Variants in RPS6KA2 observed in about 807,000 individuals in gnomAD.
RPS6KA2 encodes ribosomal protein S6 kinase A2.
Under a neutral mutation model 91.8 loss-of-function variants are expected in RPS6KA2, and 42 were observed. The observed-to-expected ratio is 0.46, with a 90% CI of 0.36 to 0.59. The LOEUF (loss-of-function observed/expected upper bound fraction) is 0.59. RPS6KA2 is among the 20% of genes least tolerant of loss of function. The pLI is 0.00. For synonymous variants in RPS6KA2, 414 were observed against 393.6 expected, an observed-to-expected ratio of 1.05 and a Z score of -0.61; for missense variants, 798 against 978.5, an observed-to-expected ratio of 0.82 and a Z score of 2.46.
At chr6:166,692,150 G>A (rs1189492735) in intron 2 of RPS6KA2, among the ~76,000 whole-genome samples, 5 of 152,160 alleles carry the variant, frequency 3.3e-5, no homozygotes, top group South Asian at 2.1e-4. Flanking sequence ...CCTCCCACAA[G>A]TGTCCCCTGT....
At chr6:166,618,301 C>T (rs993497222) in intron 1 of RPS6KA2, among the ~76,000 whole-genome samples, 1 of 152,214 alleles carries the variant, frequency 6.6e-6, no homozygotes, top group Non-Finnish European at 1.5e-5. Context: ...CACATACGGA[C>T]AGTAACTTCT....
intron 2 of RPS6KA2, among the ~76,000 whole-genome samples, chr6:166,703,439 C>T (rs1789589804): frequency 6.6e-6 from 1 of 152,172 alleles, no homozygotes; most frequent in East Asian, 1.9e-4. Flanking sequence ...AAAGAATATG[C>T]ATATTGTCTT....
intron 14 of RPS6KA2, among the ~76,000 whole-genome samples, chr6:166,447,520 C>A (rs1325118333): frequency 6.6e-6 from 1 of 152,266 alleles, no homozygotes; most frequent in African/African-American, 2.4e-5. Context: ...GACAGCAAAG[C>A]GTTTTCCCAG....
chr6:166,549,780 T>C (rs1783940612), intron 1 of RPS6KA2, among the ~76,000 whole-genome samples: 1 of 152,192 alleles, frequency 6.6e-6, no homozygotes, highest in Non-Finnish European at 1.5e-5. Context: ...AGAACTCATA[T>C]ACACACACAC....
chr6:166,691,504 G>A (rs545747535), intron 2 of RPS6KA2, among the ~76,000 whole-genome samples: 5 of 152,132 alleles, frequency 3.3e-5, no homozygotes, highest in Admixed American at 6.5e-5. Context: ...GCACACAAGC[G>A]CATCTCACCT....
chr6:166,516,983 C>T (rs2128485621), intron 3 of RPS6KA2, among the ~76,000 whole-genome samples: 1 of 152,236 alleles, frequency 6.6e-6, no homozygotes, highest in East Asian at 1.9e-4. Flanking sequence ...GAATGAAGAA[C>T]ATTGTTTAGC....
At chr6:166,506,736 T>G (rs958228953) in intron 5 of RPS6KA2, among the ~76,000 whole-genome samples, 7 of 152,034 alleles carry the variant, frequency 4.6e-5, no homozygotes, top group Middle Eastern at 3.4e-3. Context: ...ACTGTTCATT[T>G]GGGGCTTTGT....
Position 166,648,109 on chromosome 6 carries a change from T to C in RPS6KA2, c.124-109325A>G, listed in dbSNP as rs199939262. Among the ~76,000 whole-genome samples the C allele has an allele frequency of 1.1e-4, 12 of 111,844 alleles. No individual in the cohort carries two copies. Among genetic ancestry groups the C allele is most frequent in the East Asian group, 8.9e-4 (3 of 3,386 alleles). 73.4% of individuals were successfully genotyped at this position (111,844 alleles called of 152,430 possible). A position where few individuals can be genotyped will look rare whatever the true frequency, so the allele number is the denominator to read the frequency against. ...ATACACACACGCTCATACACACACGTGCACACACACGCTCATACACATACA... is the reference window on the plus strand; with the variant it reads ...ATACACACACGCTCATACACACACGCGCACACACACGCTCATACACATACA... On this transcript the variant is annotated intron_variant, in intron 2 of 21. Transcript: ENST00000503859. This position sits in a 1 kb window ranked among gnomAD's most constrained non-coding sequence, Gnocchi z 4.8.
chr6:166,470,356 T>C (rs12199291), intron 10 of RPS6KA2, among the ~76,000 whole-genome samples: 31,593 of 152,028 alleles, frequency 0.21, 3,394 homozygotes, highest in Admixed American at 0.28. Flanking sequence ...TTCCAGGAAA[T>C]GAAGAGGAGT....
At chr6:166,463,838 A>C (rs1780421510) in intron 11 of RPS6KA2, among the ~76,000 whole-genome samples, 2 of 152,324 alleles carry the variant, frequency 1.3e-5, no homozygotes, top group South Asian at 4.1e-4. Flanking sequence ...CGCAGGAAGA[A>C]TCTAAACGAT....
intron 1 of RPS6KA2, among the ~76,000 whole-genome samples, chr6:166,609,841 T>C (rs1421310179): frequency 6.6e-6 from 1 of 152,222 alleles, no homozygotes; most frequent in Non-Finnish European, 1.5e-5. Context: ...GTGTCAAGTA[T>C]ATTTTATTAA....
chr6:166,837,745 C>T (rs990972142), intron 2 of RPS6KA2, among the ~76,000 whole-genome samples: 5 of 152,324 alleles, frequency 3.3e-5, no homozygotes, highest in Middle Eastern at 3.4e-3. Flanking sequence ...GCCCTGCTCC[C>T]GATAAGTTCA....
intron 19 of RPS6KA2, among the ~76,000 whole-genome samples, chr6:166,414,584 C>A (rs1259481762): frequency 6.6e-6 from 1 of 152,238 alleles, no homozygotes; most frequent in Non-Finnish European, 1.5e-5. Context: ...CATTTGCGGA[C>A]AAACCTGATG....
chr6:166,566,687 A>AG (rs1784515889), intron 1 of RPS6KA2, among the ~76,000 whole-genome samples: 1 of 152,296 alleles, frequency 6.6e-6, no homozygotes, highest in South Asian at 2.1e-4. Flanking sequence ...AAGCCTCTTA[A>AG]GGGAAGCAAT....
chr6:166,535,518 T>C (rs1276565891), intron 2 of RPS6KA2, among the ~76,000 whole-genome samples: 1 of 152,248 alleles, frequency 6.6e-6, no homozygotes, highest in Non-Finnish European at 1.5e-5. Context: ...CTACAGTTCA[T>C]TCTCCAGAAT....
intron 2 of RPS6KA2, among the ~76,000 whole-genome samples, chr6:166,839,998 T>G (rs1352520363): frequency 6.6e-6 from 1 of 151,754 alleles, no homozygotes; most frequent in Non-Finnish European, 1.5e-5. Context: ...ATTCCATATA[T>G]ATATATGTAA....
Position 166,508,326 on chromosome 6 carries a change from C to T in RPS6KA2, c.380-44G>A, listed in dbSNP as rs1454369207. ...CGCATTTTGACAGCTTGTCGAATGT[C>T]CTGTGGCAACATCGCTCTCTGGCTT... On this transcript the variant is annotated intron_variant, in intron 4 of 20. Transcript: ENST00000265678. This position sits in a 1 kb window ranked among gnomAD's most constrained non-coding sequence, Gnocchi z 4.3. 6.3e-6 allele frequency: 8 copies of T among 1,264,912 alleles called. No individual in the cohort carries two copies. The highest frequency in any genetic ancestry group is 2.9e-5 in the African/African-American group (2 of 68,136). 78.4% of individuals were successfully genotyped at this position (1,264,912 alleles called of 1,614,324 possible). A position where few individuals can be genotyped will look rare whatever the true frequency, so the allele number is the denominator to read the frequency against.
At chr6:166,759,825 C>T (rs75689438) in intron 2 of RPS6KA2, among the ~76,000 whole-genome samples, 85,942 of 151,654 alleles carry the variant, frequency 0.57, 25,008 homozygotes, top group South Asian at 0.69. Context: ...CAGCCGAGTC[C>T]GTATCCTCGC....
intron 1 of RPS6KA2, among the ~76,000 whole-genome samples, chr6:166,618,318 G>A (rs1251315303): frequency 6.6e-6 from 1 of 152,154 alleles, no homozygotes; most frequent in African/African-American, 2.4e-5. Context: ...TTCTCTTCCC[G>A]AATCCTGTCT....
Sources: gnomAD v4.1 joint callset for allele counts (sites outside exome capture counted in the v4.1 genomes callset) on GRCh38, gnomAD v4.1.1 for gene constraint, Gnocchi (gnomAD v3.1) non-coding constraint, MANE v1.5 for transcripts, NCBI Gene and HGNC (gene_info 2026-07-23, HGNC 2026-07-21) for gene names.